Variants in ANO8 observed in about 807,000 individuals in gnomAD.
The protein encoded by ANO8 is anoctamin 8, also known as anoctamin-8.
Under a neutral mutation model 120.4 loss-of-function variants are expected in ANO8, and 67 were observed. The ratio of observed to expected loss-of-function variants is 0.56; its 90% CI spans 0.46 to 0.68. The LOEUF (loss-of-function observed/expected upper bound fraction) is 0.68, where lower values mean the gene tolerates loss of function less well. ANO8 is among the 30% of genes least tolerant of loss of function. ANO8 has a pLI of 0.00. For missense variants in ANO8, 1,526 were observed against 1,737.6 expected, an observed-to-expected ratio of 0.88 and a Z score of 2.16; for synonymous variants, 727 against 759.2, an observed-to-expected ratio of 0.96 and a Z score of 0.70.
chr19:17,327,557 C>T lies in ANO8; in HGVS notation c.2431G>A (p.Ala811Thr). 1 of 1,613,492 alleles carries T rather than the reference C, an allele frequency of 6.2e-7. No homozygotes were observed. Among genetic ancestry groups the T allele is most frequent in the Non-Finnish European group, 8.5e-7 (1 of 1,179,886 alleles). ...ACCACAATCGCTAGGACACCCATGG[C>T]CTCCATCACCTTCTGCAGGGCGGCA... Reference protein sequence around the residue: ...SIGQWQKVMEAMGVLAIVVNC... With the variant: ...SIGQWQKVMETMGVLAIVVNC... Residue 811 changes from alanine (A) to threonine (T), a missense_variant, in exon 15 of 18, where the codon GCC becomes ACC. By Grantham distance (58) the Ala-to-Thr change is moderately conservative (BLOSUM62 0). Transcript: ENST00000159087.
Position 17,323,658 on chromosome 19 carries a change from CTGGGGGG to C in ANO8, c.3551_3557del (p.Ala1184GlyfsTer133). On this transcript the variant is annotated frameshift_variant, in exon 18 of 18. Coordinates refer to ENST00000159087, the MANE Select transcript of ANO8 (RefSeq NM_020959.3). LOFTEE classifies it low-confidence loss of function (END_TRUNC). ...AAAAGCTGGCGTCTCCCGGCAGGGG[CTGGGGGG>C]CGGGTGGGGGCCCGGCCATGGCACA... 6.5e-6 allele frequency: 1 copy of C among 153,848 alleles called. No individual in the cohort carries two copies. The highest frequency in any genetic ancestry group is 7.9e-6 in the Non-Finnish European group (1 of 127,388). The allele number at this position is 153,848 out of a possible 1,614,324, so 9.5% of individuals were successfully genotyped here.
At position 17,328,976 on chromosome 19, in the gene ANO8, G is replaced by A; in HGVS notation, c.1412C>T (p.Ala471Val). The stretch of plus-strand genomic sequence containing the variant: ...GAACTGGCGGGTGATCAGCAGCGTG[G>A]CCAGCATCTGGGGGCAGGAAGGGGA... ...KDMERLKEML[A>V]TLLITRQFLQ... Residue 471 changes from alanine to valine, a missense_variant, in exon 13 of 18, where the codon GCC becomes GTC. Physicochemically the swap from Ala to Val is moderately conservative, Grantham distance 64. Around this residue, in one of 8 missense-constraint regions of ANO8, gnomAD observed 467 missense variants for 425.8 expected, o/e 1.10. Transcript: ENST00000159087. 1 of 1,497,482 alleles carries A rather than the reference G, an allele frequency of 6.7e-7. No individual in the cohort carries two copies. The highest frequency in any genetic ancestry group is 8.9e-7 in the Non-Finnish European group (1 of 1,125,008). 92.8% of individuals were successfully genotyped at this position (1,497,482 alleles called of 1,614,324 possible). A position where few individuals can be genotyped will look rare whatever the true frequency, so the allele number is the denominator to read the frequency against.
chr19:17,327,487 A>G lies in ANO8; in HGVS notation c.2501T>C (p.Phe834Ser). ...IGQCGQLQRL[F>S]PWLSPEAAIV... ...GGCTGCCTCCGGGCTCAGCCAGGGGAAGAGGCGCTGCAGCTGCCCGCACTG... is the reference window on the plus strand; with the variant it reads ...GGCTGCCTCCGGGCTCAGCCAGGGGGAGAGGCGCTGCAGCTGCCCGCACTG... Residue 834 changes from phenylalanine (F) to serine (S), a missense_variant, in exon 15 of 18, where the codon TTC (phenylalanine) becomes TCC (serine). Transcript: ENST00000159087. The G allele has an allele frequency of 6.2e-7, 1 of 1,613,154 alleles. No homozygotes were observed.
At position 17,327,742 on chromosome 19, in the gene ANO8, T is replaced by C. The variant is rs543903145; in HGVS notation, c.2365A>G (p.Thr789Ala). 1.9e-6 allele frequency: 3 copies of C among 1,614,046 alleles called. No individual in the cohort carries two copies. The highest frequency in any genetic ancestry group is 2.7e-5 in the African/African-American group (2 of 75,080). Residue 789 changes from threonine to alanine, a missense_variant, in exon 14 of 18, where the codon ACC (threonine) becomes GCC (alanine). Thr to Ala is a moderately conservative substitution (Grantham distance 58). Transcript: ENST00000159087. The stretch of plus-strand genomic sequence containing the variant: ...TGGCCGAAGGGCCGCTGCAGCCCGG[T>C]GCACAGCTTGAAGGCGTCGCTGCGG... Reference protein sequence around the residue: ...EIRSDAFKLCTGLQRPFGQRV... With the variant: ...EIRSDAFKLCAGLQRPFGQRV...
chr19:17,334,460 G>C, intron 1 of ANO8, 105 bp downstream of exon 1: 1 of 1,068,394 alleles, frequency 9.4e-7, no homozygotes, highest in South Asian at 1.5e-5. Flanking sequence ...CCCTCGTCCA[G>C]ACACCACGCC....
At position 17,323,891 on chromosome 19, in the gene ANO8, A is replaced by T; in HGVS notation, c.3332-7T>A. The T allele has an allele frequency of 9.0e-7, 1 of 1,116,082 alleles. No homozygotes were observed. The highest frequency in any genetic ancestry group is 1.7e-5 in the African/African-American group (1 of 59,806). 69.1% of individuals were successfully genotyped at this position (1,116,082 alleles called of 1,614,324 possible). A position where few individuals can be genotyped will look rare whatever the true frequency, so the allele number is the denominator to read the frequency against. On this transcript the variant is annotated splice_region_variant and splice_polypyrimidine_tract_variant and intron_variant, in intron 17 of 17. Transcript: ENST00000159087. ...ACGGGGGCCAGCGCTGTCCCTGCGG[A>T]GGCGAGAGGGGCCGTTCCGGGGGGA...
At position 17,334,817 on chromosome 19, in the gene ANO8, G is replaced by A. The variant is rs2074351770; in HGVS notation, c.-147C>T. 2 of 1,228,490 alleles carry A rather than the reference G, an allele frequency of 1.6e-6. No individual in the cohort carries two copies. Among genetic ancestry groups the A allele is most frequent in the African/African-American group, 3.1e-5 (2 of 64,730 alleles). The allele number at this position is 1,228,490 out of a possible 1,614,324, so 76.1% of individuals were successfully genotyped here. A position where few individuals can be genotyped will look rare whatever the true frequency, so the allele number is the denominator to read the frequency against. On this transcript the variant is annotated 5_prime_UTR_variant, in exon 1 of 18. Coordinates refer to ENST00000159087, the MANE Select transcript of ANO8 (RefSeq NM_020959.3). Reference sequence around the variant, plus strand: ...CCGGCCTCGGTCCTCGCTCGCCCGAGCGCTGCTTCTCGTCCCCGCCCGAGC... The same window carrying A: ...CCGGCCTCGGTCCTCGCTCGCCCGAACGCTGCTTCTCGTCCCCGCCCGAGC...
intron 13 of ANO8, 60 bp downstream of exon 13, chr19:17,328,102 G>T: frequency 7.4e-7 from 1 of 1,353,162 alleles, no homozygotes; most frequent in South Asian, 1.4e-5. Flanking sequence ...TTCACCCTCG[G>T]ACGGTGTGTC....
rs575957453 is a variant in ANO8 at position 17,331,342 on chromosome 19, C to T, written c.656G>A (p.Arg219His). ...GGCCTGCACCCATGACTTCATGAGG[C>T]GGTTCAGAATACGCTGCTCGTGGAC... ...FPVHEQRILNRLMKSWVQAVC... is the reference protein window; with the variant it reads ...FPVHEQRILNHLMKSWVQAVC... The change falls in exon 6 of 18, where the codon CGC becomes CAC. Residue 219 changes from arginine (R) to histidine (H), a missense_variant. Arg to His is a conservative substitution (Grantham distance 29). Transcript: ENST00000159087. 1.8e-4 allele frequency: 283 copies of T among 1,614,130 alleles called. 3 individuals are homozygous for T. In the South Asian group the frequency reaches 2.5e-3, roughly 14 times the overall value.
At chr19:17,329,237 G>T in intron 12 of ANO8, 1 of 446,942 alleles carries the variant, frequency 2.2e-6, no homozygotes, top group East Asian at 3.8e-5. Context: ...CCCACCGCGG[G>T]CTCTGTCGGT....
At position 17,333,273 on chromosome 19, in the gene ANO8, G is replaced by A; in HGVS notation, c.351-34C>T. 6.2e-7 allele frequency: 1 copy of A among 1,603,328 alleles called. No individual in the cohort carries two copies. The highest frequency in any genetic ancestry group is 8.5e-7 in the Non-Finnish European group (1 of 1,172,958). On this transcript the variant is annotated intron_variant, in intron 3 of 17. Transcript: ENST00000159087. This position sits in a 1 kb window ranked among gnomAD's most constrained non-coding sequence, Gnocchi z 7.2. ...AAGGCGGAGGAGGTGGGCTCACAGG[G>A]AGGCCCCGGCCCACCATCCTGGAGC...
chr19:17,328,209 G>A lies in ANO8; in HGVS notation c.2179C>T (p.Pro727Ser). ...WIDPPEEEHS[P>S]QLTQAELESC... ...TCCAGCTCTGCCTGGGTGAGCTGGGGCGAGTGTTCCTCCTCCGGCGGGTCA... is the reference window on the plus strand; with the variant it reads ...TCCAGCTCTGCCTGGGTGAGCTGGGACGAGTGTTCCTCCTCCGGCGGGTCA... The change falls in exon 13 of 18, where the codon CCC becomes TCC. Residue 727 changes from proline (P) to serine (S), a missense_variant. This residue lies in a region of ANO8 where 467 missense variants were observed against 425.8 expected (regional missense o/e 1.10). Transcript: ENST00000159087. The A allele has an allele frequency of 6.2e-7, 1 of 1,602,440 alleles. No individual in the cohort carries two copies. Among genetic ancestry groups the A allele is most frequent in the Non-Finnish European group, 8.5e-7 (1 of 1,171,662 alleles).
chr19:17,325,326 C>T lies in ANO8; in HGVS notation c.2722G>A (p.Glu908Lys), dbSNP rs747568907. The change falls in exon 17 of 18, where the codon GAG (glutamate) becomes AAG (lysine). Residue 908 changes from glutamate (E) to lysine (K), a missense_variant. By Grantham distance (56) the Glu-to-Lys change is moderately conservative. Coordinates refer to ENST00000159087, the MANE Select transcript of ANO8 (RefSeq NM_020959.3). ...QQQQRRRREE[E>K]ERQRHAEHHA... ...TGCTCTGCATGGCGCTGTCGCTCCT[C>T]CTCCTCCCGCCGCCTGCGCTGCTGC... The T allele has an allele frequency of 3.7e-6, 6 of 1,603,312 alleles. No homozygotes were observed. In the African/African-American group the frequency reaches 8.0e-5, roughly 21 times the overall value.
At chr19:17,329,726 G>C (rs759726477) in intron 12 of ANO8, 31 bp downstream of exon 12, 3 of 1,586,796 alleles carry the variant, frequency 1.9e-6, no homozygotes, top group East Asian at 4.5e-5. Context: ...CATGGGGGCA[G>C]GGGGGACTGC....
At position 17,330,394 on chromosome 19, in the gene ANO8, G is replaced by A. The variant is rs911783303; in HGVS notation, c.1104C>T (p.Leu368=). ...CAAGCATGAGCAAGAAGACACAGAC[G>A]AGGCACGCCAGGCACAGGGGGAGGC... ...LVSLPLCLAC[L]VCVFLLMLGC... Residue 368 remains leucine, a synonymous_variant, in exon 9 of 18, where the codon CTC becomes CTT. Transcript: ENST00000159087. 4 of 1,586,414 alleles carry A rather than the reference G, an allele frequency of 2.5e-6. No homozygotes were observed. The highest frequency in any genetic ancestry group is 2.7e-5 in the African/African-American group (2 of 74,284).
chr19:17,327,683 C>G lies in ANO8; in HGVS notation c.2418+6G>C. 1.9e-6 allele frequency: 3 copies of G among 1,611,872 alleles called. No homozygotes were observed. The highest frequency in any genetic ancestry group is 2.5e-6 in the Non-Finnish European group (3 of 1,178,760). On this transcript the variant is annotated splice_donor_region_variant and intron_variant, in intron 14 of 17. Transcript: ENST00000159087. Reference sequence around the variant, plus strand: ...CCTCAGCTCGGATCTCTTGGCTTCCCCCCACCTGCCACTGGCCGATGCTTT... The same window carrying G: ...CCTCAGCTCGGATCTCTTGGCTTCCGCCCACCTGCCACTGGCCGATGCTTT...
intron 5 of ANO8, 39 bp from the exon 6 acceptor site, chr19:17,331,450 C>T (rs2074317785): frequency 6.3e-7 from 1 of 1,589,762 alleles, no homozygotes; most frequent in African/African-American, 1.3e-5. Context: ...CGCCCCTCCA[C>T]CTGTGCCTAG....
In ANO8 at chr19:17,323,619, G is replaced by C. The variant is rs759542955; in HGVS notation, c.3597C>G (p.Pro1199=). 21 of 1,237,586 alleles carry C rather than the reference G, an allele frequency of 1.7e-5. No individual in the cohort carries two copies. Among genetic ancestry groups the C allele is most frequent in the Non-Finnish European group, 2.1e-5 (21 of 983,716 alleles). The allele number at this position is 1,237,586 out of a possible 1,614,324, so 76.7% of individuals were successfully genotyped here. A position where few individuals can be genotyped will look rare whatever the true frequency, so the allele number is the denominator to read the frequency against. The change falls in exon 18 of 18, where the codon CCC becomes CCG. Residue 1199 remains proline (P), a synonymous_variant. Coordinates refer to ENST00000159087, the MANE Select transcript of ANO8 (RefSeq NM_020959.3). ...PGDASFYSLP[P]PPLPPTSDPL... ...GATCCGAGGTGGGCGGTAGCGGTGG[G>C]GGCGGGAGGCTGTAAAAGCTGGCGT...
chr19:17,334,045 C>T (rs1464214329), intron 1 of ANO8, among the ~76,000 whole-genome samples: 1 of 152,210 alleles, frequency 6.6e-6, no homozygotes. Context: ...GGCCCAGCTC[C>T]GCCTCCAAAA....
Sources: gnomAD v4.1 joint callset for allele counts (sites outside exome capture counted in the v4.1 genomes callset) on GRCh38, gnomAD v4.1.1 for gene constraint, gnomAD v4.1.1 regional missense constraint, Gnocchi (gnomAD v3.1) non-coding constraint, MANE v1.5 for transcripts, NCBI Gene and HGNC (gene_info 2026-07-23, HGNC 2026-07-21) for gene names.